Variants in CPQ observed in about 807,000 individuals in gnomAD.
The protein encoded by CPQ is Ser-Met dipeptidase.
CPQ carries 37 observed loss-of-function variants against 45.7 expected under a neutral mutation model. That is an observed-to-expected ratio of 0.81 (90% CI 0.62 to 1.07). CPQ has a LOEUF of 1.07. Ranked by LOEUF, CPQ falls within the 50% of genes least tolerant of loss-of-function variation. The probability of loss-of-function intolerance (pLI) is 0.00; values close to 1 mark genes in which losing one functional copy is unlikely to be tolerated. For synonymous variants in CPQ, 186 were observed against 205.8 expected (o/e 0.90, Z 0.82); for missense variants, 537 against 572.9 (o/e 0.94, Z 0.64).
At chr8:97,013,907 T>A (rs781081461) in intron 5 of CPQ, among the ~76,000 whole-genome samples, 6 of 152,272 alleles carry the variant, frequency 3.9e-5, no homozygotes, top group Non-Finnish European at 8.8e-5. Flanking sequence ...ATTTTACTAA[T>A]AATTTCTTGT....
At chr8:96,816,768 G>T (rs1245481830) in intron 2 of CPQ, among the ~76,000 whole-genome samples, 1 of 152,164 alleles carries the variant, frequency 6.6e-6, no homozygotes. Context: ...GAACTCCTGA[G>T]TGAACAGGTG....
chr8:97,142,637 C>G (rs545203960), intron 7 of CPQ, among the ~76,000 whole-genome samples: 254 of 152,304 alleles, frequency 1.7e-3, no homozygotes, highest in Middle Eastern at 3.4e-3. Flanking sequence ...CAGAAGAAGG[C>G]AGTGCAGAGC....
rs530380796 is a variant in CPQ, at chr8:96,776,110, A to C, written c.-34-8754A>C. 2.0e-5 allele frequency among the ~76,000 whole-genome samples: 3 copies of C among 152,334 alleles called. No individual in the cohort carries two copies. The South Asian group carries it at 6.2e-4, about 32-fold the overall frequency. ...ATAAGCTTTCTTGAATGACTGAATA[A>C]ATAACTGGAATGTAAGCTATGGGAA... On this transcript the variant is annotated intron_variant, in intron 1 of 7. Transcript: ENST00000220763.
intron 1 of CPQ, among the ~76,000 whole-genome samples, chr8:96,683,599 CT>C (rs1448857337): frequency 1.3e-5 from 2 of 152,022 alleles, no homozygotes; most frequent in African/African-American, 4.8e-5. Flanking sequence ...AAGTATTATT[CT>C]GTTAAACAGG....
intron 1 of CPQ, among the ~76,000 whole-genome samples, chr8:96,690,200 C>T (rs1809288403): frequency 6.6e-6 from 1 of 152,008 alleles, no homozygotes; most frequent in Non-Finnish European, 1.5e-5. Flanking sequence ...TTTTTGGATG[C>T]CACTTTCCTC....
intron 6 of CPQ, among the ~76,000 whole-genome samples, chr8:97,040,958 G>A (rs868770372): frequency 9.2e-5 from 14 of 152,092 alleles, no homozygotes; most frequent in African/African-American, 3.1e-4. Flanking sequence ...GATTGACTTG[G>A]TGATGCGGGC....
intron 2 of CPQ, among the ~76,000 whole-genome samples, chr8:96,831,462 A>G (rs561893412): frequency 6.6e-6 from 1 of 152,264 alleles, no homozygotes; most frequent in Non-Finnish European, 1.5e-5. Flanking sequence ...GTTTTCATGA[A>G]CTATCTTTTG....
chr8:96,889,793 G>A (rs1563521849), intron 4 of CPQ, among the ~76,000 whole-genome samples: 1 of 152,198 alleles, frequency 6.6e-6, no homozygotes, highest in African/African-American at 2.4e-5. Context: ...CAGAAGAAAG[G>A]TGGAGGTCAG....
At chr8:96,703,809 G>A (rs556159571) in intron 1 of CPQ, among the ~76,000 whole-genome samples, 2 of 152,268 alleles carry the variant, frequency 1.3e-5, no homozygotes, top group African/African-American at 2.4e-5. Flanking sequence ...TGGCTATAGT[G>A]AGGTTAAAAG....
chr8:96,770,007 A>G (rs568484873), intron 1 of CPQ, among the ~76,000 whole-genome samples: 6 of 152,314 alleles, frequency 3.9e-5, no homozygotes, highest in African/African-American at 1.4e-4. Context: ...GGCAACTTGA[A>G]AAGGATAAAA....
intron 1 of CPQ, among the ~76,000 whole-genome samples, chr8:96,703,080 T>C (rs1809489153): frequency 6.6e-6 from 1 of 152,174 alleles, no homozygotes; most frequent in South Asian, 2.1e-4. Context: ...AAAACAAGGT[T>C]ATGTCTTCAT....
chr8:96,669,419 A>C (rs540774718), intron 1 of CPQ, among the ~76,000 whole-genome samples: 1 of 152,196 alleles, frequency 6.6e-6, no homozygotes, highest in Non-Finnish European at 1.5e-5. Context: ...TTGTACCTCT[A>C]TCTGGCATTG....
chr8:96,684,824 G>A (rs1313621832), intron 1 of CPQ, among the ~76,000 whole-genome samples: 1 of 152,028 alleles, frequency 6.6e-6, no homozygotes, highest in African/African-American at 2.4e-5. Context: ...GTGTTGGCCA[G>A]ACTTGGTGGC....
chr8:96,944,628 C>G (rs541904122), intron 4 of CPQ, among the ~76,000 whole-genome samples: 82 of 152,202 alleles, frequency 5.4e-4, no homozygotes, highest in African/African-American at 1.8e-3. Context: ...ATCCACTGTA[C>G]GAGAGTGGAT....
intron 4 of CPQ, among the ~76,000 whole-genome samples, chr8:96,957,349 A>C (rs1239051125): frequency 6.6e-6 from 1 of 152,186 alleles, no homozygotes; most frequent in Non-Finnish European, 1.5e-5. Flanking sequence ...GGAATTTTAG[A>C]AACCATTAGG....
intron 4 of CPQ, among the ~76,000 whole-genome samples, chr8:96,905,270 G>T (rs1812561374): frequency 6.6e-6 from 1 of 152,108 alleles, no homozygotes. Context: ...CCACCCCCAT[G>T]ATCCAATCAC....
chr8:96,846,643 C>T (rs566604905), intron 3 of CPQ, among the ~76,000 whole-genome samples: 75 of 152,278 alleles, frequency 4.9e-4, no homozygotes, highest in African/African-American at 1.7e-3. Flanking sequence ...AAACATTTCA[C>T]CCATAAATAT....
intron 1 of CPQ, among the ~76,000 whole-genome samples, chr8:96,665,562 A>G (rs932206566): frequency 6.6e-6 from 1 of 152,240 alleles, no homozygotes; most frequent in Admixed American, 6.5e-5. Context: ...GAGATGTTGA[A>G]TCAGAACATA....
intron 1 of CPQ, among the ~76,000 whole-genome samples, chr8:96,690,124 A>G (rs774141362): frequency 2.0e-5 from 3 of 151,982 alleles, no homozygotes; most frequent in Non-Finnish European, 2.9e-5. Context: ...TTATAGAGGT[A>G]TGTGCTTATT....
Sources: gnomAD v4.1 joint callset for allele counts (sites outside exome capture counted in the v4.1 genomes callset) on GRCh38, gnomAD v4.1.1 for gene constraint, MANE v1.5 for transcripts, NCBI Gene and HGNC (gene_info 2026-07-23, HGNC 2026-07-21) for gene names.